Variants in PROX1 observed in about 807,000 individuals in gnomAD.
PROX1 encodes the protein prospero homeobox protein 1.
A neutral mutation model predicts 58.8 loss-of-function variants in PROX1; 7 were observed. That is an observed-to-expected ratio of 0.12 (90% CI 0.07 to 0.22). The LOEUF (loss-of-function observed/expected upper bound fraction) is 0.22, where lower values mean the gene tolerates loss of function less well. PROX1 is among the 10% of genes least tolerant of loss of function. The probability of loss-of-function intolerance (pLI) is 1.00; values close to 1 mark genes in which losing one functional copy is unlikely to be tolerated. For missense variants in PROX1, 675 were observed against 927.8 expected (o/e 0.73, Z 3.54); for synonymous variants, 350 against 358.3 (o/e 0.98, Z 0.26).
intron 4 of PROX1, among the ~76,000 whole-genome samples, chr1:214,034,063 G>A (rs912800584): frequency 6.6e-6 from 1 of 152,192 alleles, no homozygotes; most frequent in East Asian, 1.9e-4. Context: ...TGATAAAAAT[G>A]TAAGCTTAAG....
chr1:214,026,192 T>C (rs1664452614), intron 4 of PROX1, among the ~76,000 whole-genome samples: 1 of 152,238 alleles, frequency 6.6e-6, no homozygotes, highest in Admixed American at 6.5e-5. Flanking sequence ...TTTTAAGACC[T>C]ATGCAGAGTT....
At chr1:214,034,806 C>T (rs1664776208) in intron 4 of PROX1, among the ~76,000 whole-genome samples, 2 of 152,138 alleles carry the variant, frequency 1.3e-5, no homozygotes, top group Admixed American at 6.5e-5. Flanking sequence ...AATTTCCTTA[C>T]CCTCTCTGAG....
At chr1:214,035,570 C>T (rs1374158086) in intron 4 of PROX1, 79 bp from the exon 5 acceptor site, 6 of 1,425,388 alleles carry the variant, frequency 4.2e-6, no homozygotes, top group African/African-American at 2.9e-5. Context: ...CAAGAATGAT[C>T]TTAGCTCAGT....
chr1:213,990,253 T>A (rs1479393805), intron 1 of PROX1, among the ~76,000 whole-genome samples: 2 of 151,738 alleles, frequency 1.3e-5, no homozygotes, highest in African/African-American at 2.4e-5. Flanking sequence ...GTGTGTTGTG[T>A]CAAGAAAGAC....
chr1:213,984,228 G>A, upstream of PROX1: 1 of 152,212 alleles, frequency 6.6e-6, no homozygotes, highest in East Asian at 1.9e-4. Context: ...TGGGCGAAGA[G>A]TGATTTTCTT....
At chr1:213,986,468 T>C (rs1225469272), upstream of PROX1, 1 of 152,156 alleles carries the variant, frequency 6.6e-6, no homozygotes, top group African/African-American at 2.4e-5. Flanking sequence ...CTTTACGGTT[T>C]GGTGAATTTG....
At chr1:214,026,093 G>C (rs997210607) in intron 4 of PROX1, among the ~76,000 whole-genome samples, 2 of 151,930 alleles carry the variant, frequency 1.3e-5, no homozygotes, top group Non-Finnish European at 2.9e-5. Flanking sequence ...ATCTCAGGGG[G>C]AGAGAATGAG....
Position 213,997,261 on chromosome 1 carries a change from G to A in PROX1, c.726G>A (p.Gln242=), listed in dbSNP as rs989094313. Residue 242 remains glutamine, a synonymous_variant, in exon 2 of 5, where the codon CAG becomes CAA. Transcript: ENST00000366958. The surrounding 1 kb of genome is among the most constrained non-coding windows in gnomAD (Gnocchi z 7.1). ...KREERRQLKQ[Q]LEDMQKQLRQ... Reference sequence around the variant, plus strand: ...AGGAGCGCCGACAGCTGAAACAGCAGCTGGAGGACATGCAGAAACAGCTGC... The same window carrying A: ...AGGAGCGCCGACAGCTGAAACAGCAACTGGAGGACATGCAGAAACAGCTGC... 7 of 1,613,694 alleles carry A rather than the reference G, an allele frequency of 4.3e-6. No individual in the cohort carries two copies. Among genetic ancestry groups the A allele is most frequent in the Non-Finnish European group, 5.1e-6 (6 of 1,179,826 alleles).
At position 214,040,631 on chromosome 1, in the gene PROX1, A is replaced by G. The variant is rs1664979315; in HGVS notation, c.*4797A>G. ...ATATGTATATAGTATAAACCGTGAC[A>G]AAACACTGCCTTTATATTATTTAGC... On this transcript the variant is annotated 3_prime_UTR_variant, in exon 5 of 5. Coordinates refer to ENST00000366958, the MANE Select transcript of PROX1 (RefSeq NM_001270616.2). 6.6e-6 allele frequency: 1 copy of G among 152,218 alleles called. No homozygotes were observed. Among genetic ancestry groups the G allele is most frequent in the Non-Finnish European group, 1.5e-5 (1 of 68,026 alleles). 9.4% of individuals were successfully genotyped at this position (152,218 alleles called of 1,614,324 possible).
chr1:213,990,700 G>A (rs1663003621), intron 1 of PROX1, among the ~76,000 whole-genome samples: 1 of 120,006 alleles, frequency 8.3e-6, no homozygotes, highest in African/African-American at 3.1e-5. Context: ...GTGTGTGTGT[G>A]TTTGTGTGTG....
At chr1:214,006,198 T>C (rs1663706818) in intron 3 of PROX1, among the ~76,000 whole-genome samples, 1 of 151,540 alleles carries the variant, frequency 6.6e-6, no homozygotes, top group Non-Finnish European at 1.5e-5. Context: ...AGTTCTTCTT[T>C]CTGCCATGGA....
At chr1:214,028,215 C>T (rs570069616) in intron 4 of PROX1, among the ~76,000 whole-genome samples, 1 of 152,142 alleles carries the variant, frequency 6.6e-6, no homozygotes, top group African/African-American at 2.4e-5. Context: ...ACAGCCAGTG[C>T]TCCTGGATCC....
At chr1:214,034,186 T>C (rs1178862058) in intron 4 of PROX1, among the ~76,000 whole-genome samples, 1 of 152,208 alleles carries the variant, frequency 6.6e-6, no homozygotes, top group African/African-American at 2.4e-5. Flanking sequence ...TGTCCAATTT[T>C]AAACGTGAAA....
rs928504921 is a variant in PROX1 at position 214,037,568 on chromosome 1, TTA to T, written c.*1735_*1736del. On this transcript the variant is annotated 3_prime_UTR_variant, in exon 5 of 5. Transcript: ENST00000366958. ...CACAAAGCCTTAAAACCTGCTGACT[TTA>T]AATTAAATGGTGCAGTCCTATGATG... is the stretch of plus-strand genomic sequence containing the variant. 3.9e-5 allele frequency: 6 copies of T among 152,118 alleles called. No individual in the cohort carries two copies. Among genetic ancestry groups the T allele is most frequent in the Non-Finnish European group, 5.9e-5 (4 of 68,020 alleles). 9.4% of individuals were successfully genotyped at this position (152,118 alleles called of 1,614,324 possible). A position where few individuals can be genotyped will look rare whatever the true frequency, so the allele number is the denominator to read the frequency against.
chr1:214,006,105 A>G (rs1663700001), intron 3 of PROX1, among the ~76,000 whole-genome samples: 1 of 152,122 alleles, frequency 6.6e-6, no homozygotes, highest in Admixed American at 6.5e-5. Context: ...CAGGAACTTG[A>G]TAAACACTAC....
Sources: gnomAD v4.1 joint callset for allele counts (sites outside exome capture counted in the v4.1 genomes callset) on GRCh38, gnomAD v4.1.1 for gene constraint, Gnocchi (gnomAD v3.1) non-coding constraint, MANE v1.5 for transcripts, NCBI Gene and HGNC (gene_info 2026-07-23, HGNC 2026-07-21) for gene names.